CYTH1: variants seen among roughly 807,000 people sequenced by gnomAD.
CYTH1 encodes the protein cytohesin-1.
CYTH1 carries 18 observed loss-of-function variants against 61.8 expected under a neutral mutation model. The observed-to-expected ratio is 0.29, with a 90% CI of 0.20 to 0.43. The LOEUF is 0.43. Among genes scored for constraint, CYTH1 ranks in the 20% least tolerant of loss-of-function variants. The pLI is 1.00. For missense variants in CYTH1, 336 were observed against 510.5 expected (o/e 0.66, Z 3.29); for synonymous variants, 174 against 184.3 (o/e 0.94, Z 0.45).
intron 13 of CYTH1, among the ~76,000 whole-genome samples, chr17:78,679,291 C>G (rs1193311763): frequency 6.6e-6 from 1 of 152,206 alleles, no homozygotes; most frequent in Non-Finnish European, 1.5e-5. Flanking sequence ...AGGAAAACAG[C>G]TAGGTGAACT....
At position 78,702,216 on chromosome 17, in the gene CYTH1, C is replaced by A; in HGVS notation, c.262G>T (p.Asp88Tyr). ...KKGIQFLIEN[D>Y]LLKNTCEDIA... is the part of the protein sequence containing the mutation. ...TCTTCACAAGTGTTCTTCAGGAGGT[C>A]GTTCTCTATTAAGAACTGGATCCCC... is the stretch of plus-strand genomic sequence containing the variant. Residue 88 changes from aspartate (D) to tyrosine (Y), a missense_variant, in exon 5 of 14, where the codon GAC (aspartate) becomes TAC (tyrosine). By Grantham distance (160) the Asp-to-Tyr change is radical (BLOSUM62 -3). This residue lies in a region of CYTH1 where 112 missense variants were observed against 127.1 expected (regional missense o/e 0.88). Transcript: ENST00000446868. 1 of 1,613,982 alleles carries A rather than the reference C, an allele frequency of 6.2e-7. No individual in the cohort carries two copies. The highest frequency in any genetic ancestry group is 1.1e-5 in the South Asian group (1 of 91,052).
rs2092671964 is a variant in CYTH1 at position 78,674,230 on chromosome 17, A to G, written c.*1861T>C. On this transcript the variant is annotated 3_prime_UTR_variant, in exon 14 of 14. Coordinates refer to ENST00000446868, the MANE Select transcript of CYTH1 (RefSeq NM_004762.6). ...CTTTTAAACAAATACAAAATAATCTAAAAGGAGAAAAACTATACATAGATT... is the reference window on the plus strand; with the variant it reads ...CTTTTAAACAAATACAAAATAATCTGAAAGGAGAAAAACTATACATAGATT... 1 of 152,690 alleles carries G rather than the reference A, an allele frequency of 6.5e-6. No individual in the cohort carries two copies. The allele number at this position is 152,690 out of a possible 1,614,324, so 9.5% of individuals were successfully genotyped here.
intron 1 of CYTH1, among the ~76,000 whole-genome samples, chr17:78,757,548 C>CA (rs1182781763): frequency 1.3e-5 from 2 of 152,082 alleles, no homozygotes; most frequent in Non-Finnish European, 2.9e-5. Context: ...TACATGTAAA[C>CA]ACTAGCCGAG....
intron 9 of CYTH1, among the ~76,000 whole-genome samples, chr17:78,697,776 G>A (rs1567838238): frequency 6.6e-6 from 1 of 152,142 alleles, no homozygotes; most frequent in Non-Finnish European, 1.5e-5. Flanking sequence ...ACAAATCTGT[G>A]GGATGGGAAG....
intron 13 of CYTH1, chr17:78,677,309 T>C (rs2143954374): frequency 2.8e-6 from 1 of 351,272 alleles, no homozygotes; most frequent in South Asian, 2.1e-5. Flanking sequence ...GAGAGGTGCG[T>C]GTGGCACTGC....
chr17:78,770,325 C>CAT (rs2093465740), intron 1 of CYTH1, among the ~76,000 whole-genome samples: 1 of 43,830 alleles, frequency 2.3e-5, no homozygotes, highest in East Asian at 4.6e-4. Flanking sequence ...TTCCCATCTC[C>CAT]AAAAAAAAAA....
intron 1 of CYTH1, among the ~76,000 whole-genome samples, chr17:78,778,230 G>A (rs1289247754): frequency 1.3e-5 from 2 of 149,922 alleles, no homozygotes; most frequent in Non-Finnish European, 3.0e-5. Context: ...AACCCAGGAG[G>A]TGGAAGCTGC....
At chr17:78,728,099 A>G (rs1213326184) in intron 1 of CYTH1, 1 of 156,584 alleles carries the variant, frequency 6.4e-6, no homozygotes, top group Non-Finnish European at 1.4e-5. Context: ...TACCCCAAAC[A>G]CTGGTAAATC....
chr17:78,726,514 C>T (rs1598886802), intron 1 of CYTH1, among the ~76,000 whole-genome samples: 1 of 151,968 alleles, frequency 6.6e-6, no homozygotes, highest in African/African-American at 2.4e-5. Flanking sequence ...ACAGGCAGCC[C>T]GTAAATGCCA....
At position 78,702,639 on chromosome 17, in the gene CYTH1, C is replaced by T. The variant is rs771896165; in HGVS notation, c.171-35G>A. On this transcript the variant is annotated intron_variant, in intron 3 of 13. Transcript: ENST00000446868. The stretch of plus-strand genomic sequence containing the variant: ...AACCATCACAGCCATTTTAGTACTT[C>T]AGGCCATCGGAAAGGCTTGAAAGAC... The T allele has an allele frequency of 9.3e-6, 15 of 1,604,350 alleles. No homozygotes were observed. The Admixed American group carries it at 2.2e-4, about 23-fold the overall frequency.
chr17:78,711,369 C>T (rs1555608902), intron 1 of CYTH1, among the ~76,000 whole-genome samples: 1 of 151,250 alleles, frequency 6.6e-6, no homozygotes, highest in Non-Finnish European at 1.5e-5. Context: ...AGGAAAATGA[C>T]TTTTTAATAA....
At chr17:78,713,269 T>G (rs1351917014) in intron 1 of CYTH1, among the ~76,000 whole-genome samples, 1 of 151,806 alleles carries the variant, frequency 6.6e-6, no homozygotes, top group Non-Finnish European at 1.5e-5. Flanking sequence ...CCCAGAAAAA[T>G]TTCTAGTCCA....
At position 78,717,631 on chromosome 17, in the gene CYTH1, C is replaced by A. The variant is rs2093192765; in HGVS notation, c.23-7899G>T. Among the ~76,000 whole-genome samples, 1 of 152,144 alleles carries A rather than the reference C, an allele frequency of 6.6e-6. No homozygotes were observed. Among genetic ancestry groups the A allele is most frequent in the Non-Finnish European group, 1.5e-5 (1 of 68,046 alleles). ...TCCAAGCCAGAGGACGATACATGAG[C>A]ACACGGCGGGCTCTAGTCTAAAATC... On this transcript the variant is annotated intron_variant, in intron 1 of 13. Coordinates refer to ENST00000446868, the MANE Select transcript of CYTH1 (RefSeq NM_004762.6). This position sits in a 1 kb window ranked among gnomAD's most constrained non-coding sequence, Gnocchi z 4.4.
chr17:78,738,852 G>A (rs908073004), intron 1 of CYTH1, among the ~76,000 whole-genome samples: 1 of 152,144 alleles, frequency 6.6e-6, no homozygotes, highest in African/African-American at 2.4e-5. Context: ...TCTCCCTACT[G>A]TCAAATGGTA....
chr17:78,688,755 C>A (rs949608591), intron 11 of CYTH1, among the ~76,000 whole-genome samples: 46 of 152,204 alleles, frequency 3.0e-4, no homozygotes, highest in Non-Finnish European at 3.7e-4. Context: ...GGTGCTTGGT[C>A]TCCATGCGGT....
At chr17:78,677,079 G>A in intron 13 of CYTH1, 2 of 456,072 alleles carry the variant, frequency 4.4e-6, no homozygotes, top group South Asian at 3.1e-5. Context: ...GTGTCCATGA[G>A]AAAATGCTTC....
intron 1 of CYTH1, among the ~76,000 whole-genome samples, chr17:78,740,557 C>T (rs2093338375): frequency 6.6e-6 from 1 of 151,886 alleles, no homozygotes; most frequent in Non-Finnish European, 1.5e-5. Context: ...GCATACCTGG[C>T]TCAACACCAC....
intron 1 of CYTH1, among the ~76,000 whole-genome samples, chr17:78,741,402 A>T (rs941489803): frequency 1.1e-4 from 16 of 152,204 alleles, no homozygotes; most frequent in Admixed American, 3.3e-4. Flanking sequence ...AGTAGAAAAA[A>T]AAACGTGAAT....
chr17:78,750,945 T>C (rs1329368169), intron 1 of CYTH1, among the ~76,000 whole-genome samples: 1 of 152,156 alleles, frequency 6.6e-6, no homozygotes, highest in Non-Finnish European at 1.5e-5. Flanking sequence ...CTTGTTTATA[T>C]GGGTTTCTGT....
Sources: gnomAD v4.1 joint callset for allele counts (sites outside exome capture counted in the v4.1 genomes callset) on GRCh38, gnomAD v4.1.1 for gene constraint, gnomAD v4.1.1 regional missense constraint, Gnocchi (gnomAD v3.1) non-coding constraint, MANE v1.5 for transcripts, NCBI Gene and HGNC (gene_info 2026-07-23, HGNC 2026-07-21) for gene names.